OPN4: variants seen among roughly 807,000 people sequenced by gnomAD.
OPN4 encodes melanopsin.
OPN4 carries 43 observed loss-of-function variants against 49.5 expected under a neutral mutation model. The observed-to-expected ratio is 0.87, with a 90% CI of 0.68 to 1.12. OPN4 has a LOEUF of 1.12. Ranked by LOEUF, OPN4 falls within the 50% of genes most tolerant of loss-of-function variation. The probability of loss-of-function intolerance (pLI) is 0.00; values close to 1 mark genes in which losing one functional copy is unlikely to be tolerated. For missense variants in OPN4, 657 were observed against 643.9 expected, an observed-to-expected ratio of 1.02 and a Z score of -0.22; for synonymous variants, 263 against 258.0, an observed-to-expected ratio of 1.02 and a Z score of -0.19.
rs1365792041 is a variant in OPN4 at position 86,659,958 on chromosome 10, G to A, written c.864G>A (p.Leu288=). The A allele has an allele frequency of 1.2e-6, 2 of 1,614,204 alleles. No homozygotes were observed. The highest frequency in any genetic ancestry group is 1.7e-6 in the Non-Finnish European group (2 of 1,180,026). ...NGESLWQRQR[L]QSECKMAKIM... Reference sequence around the variant, plus strand: ...AGTCCCTGTGGCAGCGGCAGCGGCTGCAGAGCGAGTGCAAGATGGCCAAGA... The same window carrying A: ...AGTCCCTGTGGCAGCGGCAGCGGCTACAGAGCGAGTGCAAGATGGCCAAGA... Residue 288 remains leucine (L), a synonymous_variant, in exon 6 of 10, where the codon CTG becomes CTA. Coordinates refer to ENST00000241891, the MANE Select transcript of OPN4 (RefSeq NM_033282.4).
intron 5 of OPN4, 151 bp from the exon 6 acceptor site, chr10:86,659,744 T>C: frequency 1.2e-6 from 1 of 861,366 alleles, no homozygotes; most frequent in Non-Finnish European, 1.8e-6. Context: ...CAGAAAACTT[T>C]CTGGAAGTCA....
rs774680136 is a variant in OPN4, at chr10:86,659,932, G to T, written c.838G>T (p.Glu280Ter). The change falls in exon 6 of 10, where the codon GAG (glutamate) becomes TAG (stop). Residue 280 changes from glutamate (E) to a stop codon, truncating the protein, a stop_gained. Coordinates refer to ENST00000241891, the MANE Select transcript of OPN4 (RefSeq NM_033282.4). LOFTEE classifies it high-confidence loss of function. ...QTFGACKGNG[E>*]SLWQRQRLQS... ...CTTCGGGGCCTGCAAGGGCAATGGC[G>T]AGTCCCTGTGGCAGCGGCAGCGGCT... 1 of 1,614,190 alleles carries T rather than the reference G, an allele frequency of 6.2e-7. No homozygotes were observed. Among genetic ancestry groups the T allele is most frequent in the Admixed American group, 1.7e-5 (1 of 60,034 alleles).
chr10:86,656,691 T>C (rs1458893317), intron 2 of OPN4, among the ~76,000 whole-genome samples: 2 of 152,064 alleles, frequency 1.3e-5, no homozygotes, highest in Non-Finnish European at 2.9e-5. Context: ...CCGCCTGTAA[T>C]CCCAGCACTT....
In OPN4 at chr10:86,665,844, C is replaced by A. The variant is rs1589594691; in HGVS notation, c.*93C>A. The A allele has an allele frequency of 1.9e-6, 2 of 1,076,594 alleles. No individual in the cohort carries two copies. Among genetic ancestry groups the A allele is most frequent in the Non-Finnish European group, 1.4e-6 (1 of 714,670 alleles). The allele number at this position is 1,076,594 out of a possible 1,614,324, so 66.7% of individuals were successfully genotyped here. A position where few individuals can be genotyped will look rare whatever the true frequency, so the allele number is the denominator to read the frequency against. ...GACCCAGGATTATGCTGTGAGCCTG[C>A]AGGCTTTGGAAGTGGCCCTGTCACC... is the stretch of plus-strand genomic sequence containing the variant. On this transcript the variant is annotated 3_prime_UTR_variant, in exon 10 of 10. Coordinates refer to ENST00000241891, the MANE Select transcript of OPN4 (RefSeq NM_033282.4).
intron 2 of OPN4, 82 bp downstream of exon 2, chr10:86,656,382 G>C: frequency 6.7e-7 from 1 of 1,493,886 alleles, no homozygotes; most frequent in Non-Finnish European, 9.0e-7. Context: ...CAGGAATGTT[G>C]ACTCTAGCTC....
At chr10:86,663,232 C>T (rs773078809) in intron 8 of OPN4, among the ~76,000 whole-genome samples, 1 of 152,138 alleles carries the variant, frequency 6.6e-6, no homozygotes, top group Non-Finnish European at 1.5e-5. Context: ...GCCAACTGAC[C>T]GGCCAGCGAT....
intron 1 of OPN4, 78 bp downstream of exon 1, chr10:86,655,005 C>A: frequency 7.0e-7 from 1 of 1,436,894 alleles, no homozygotes; most frequent in Non-Finnish European, 9.5e-7. Context: ...CACACAGGGG[C>A]TTTGACAGGG....
chr10:86,663,945 C>A, intron 9 of OPN4, 143 bp downstream of exon 9: 1 of 1,013,022 alleles, frequency 9.9e-7, no homozygotes, highest in Non-Finnish European at 1.4e-6. Flanking sequence ...CACCTCCCAG[C>A]TTTTCCTTGT....
chr10:86,663,200 T>C (rs1844058023), intron 8 of OPN4, among the ~76,000 whole-genome samples: 1 of 152,152 alleles, frequency 6.6e-6, no homozygotes, highest in African/African-American at 2.4e-5. Context: ...CAGAGCCCTC[T>C]ATGGGCCTCA....
At chr10:86,655,743 G>A (rs1479933036) in intron 1 of OPN4, among the ~76,000 whole-genome samples, 5 of 152,312 alleles carry the variant, frequency 3.3e-5, no homozygotes, top group Admixed American at 6.5e-5. Flanking sequence ...CCACCCCAGC[G>A]TCTAGAGGCC....
chr10:86,657,633 G>A (rs1028326969), intron 2 of OPN4, among the ~76,000 whole-genome samples: 3 of 152,202 alleles, frequency 2.0e-5, no homozygotes, highest in Non-Finnish European at 4.4e-5. Context: ...GGCCTAGAGG[G>A]ACTCAAGGAA....
rs367915576 is a variant in OPN4, at chr10:86,660,090, G to A, written c.965+31G>A. 6 of 1,610,912 alleles carry A rather than the reference G, an allele frequency of 3.7e-6. No homozygotes were observed. The African/African-American group carries it at 6.7e-5, about 18-fold the overall frequency. ...CAGTGGCTAAAGGGTTGGGGAAGAG[G>A]CTGAAGGTGTGGGGGCAGGAGCAAG... On this transcript the variant is annotated intron_variant, in intron 6 of 9. Transcript: ENST00000241891.
chr10:86,659,852 G>A, intron 5 of OPN4, 43 bp from the exon 6 acceptor site: 1 of 1,603,638 alleles, frequency 6.2e-7, no homozygotes, highest in Non-Finnish European at 8.5e-7. Context: ...GGTGCTGACT[G>A]CCACCCGACT....
chr10:86,660,830 A>C (rs1564621346), intron 6 of OPN4, among the ~76,000 whole-genome samples: 1 of 152,226 alleles, frequency 6.6e-6, no homozygotes, highest in Non-Finnish European at 1.5e-5. Context: ...CTCAGATCAG[A>C]ATTCTCCTGG....
In OPN4 at chr10:86,656,239, A is replaced by T. The variant is rs775343759; in HGVS notation, c.229A>T (p.Ile77Phe). 4 of 1,613,890 alleles carry T rather than the reference A, an allele frequency of 2.5e-6. No individual in the cohort carries two copies. Among genetic ancestry groups the T allele is most frequent in the Admixed American group, 1.7e-5 (1 of 59,974 alleles). The change falls in exon 2 of 10, where the codon ATC becomes TTC. Residue 77 changes from isoleucine (I) to phenylalanine (F), a missense_variant. Ile to Phe is a conservative substitution (Grantham distance 21). Coordinates refer to ENST00000241891, the MANE Select transcript of OPN4 (RefSeq NM_033282.4). ...DHAHYTLGTV[I>F]LLVGLTGMLG... ...TGCCCACTATACCCTGGGCACAGTG[A>T]TCTTGCTGGTGGGACTCACGGGGAT...
At position 86,654,940 on chromosome 10, in the gene OPN4, G is replaced by A. The variant is rs574548424; in HGVS notation, c.144+13G>A. ...CATCAGTCCCACAGTAAGCCTGGGC[G>A]AGCATGTGCATGCACAGAGCCTTCC... On this transcript the variant is annotated intron_variant, in intron 1 of 9. Transcript: ENST00000241891. 27 of 1,612,852 alleles carry A rather than the reference G, an allele frequency of 1.7e-5. No homozygotes were observed. The highest frequency in any genetic ancestry group is 9.9e-5 in the South Asian group (9 of 91,000).
intron 3 of OPN4, 91 bp from the exon 4 acceptor site, chr10:86,658,393 C>T: frequency 7.0e-7 from 1 of 1,434,412 alleles, no homozygotes; most frequent in Non-Finnish European, 9.6e-7. Flanking sequence ...GCGCTCAGTC[C>T]TGCTCTTCCT....
At chr10:86,662,591 C>G (rs1844040555) in intron 8 of OPN4, among the ~76,000 whole-genome samples, 159 bp downstream of exon 8, 1 of 152,238 alleles carries the variant, frequency 6.6e-6, no homozygotes, top group South Asian at 2.1e-4. Flanking sequence ...CCCAACACCC[C>G]CATGAAGTTC....
intron 1 of OPN4, among the ~76,000 whole-genome samples, chr10:86,655,514 G>T (rs1843843026): frequency 6.6e-6 from 1 of 152,204 alleles, no homozygotes; most frequent in African/African-American, 2.4e-5. Context: ...AGGGGTTAGG[G>T]TGGGAGGAGT....
Sources: allele counts gnomAD v4.1 joint callset (sites outside exome capture counted in the v4.1 genomes callset), GRCh38; gene constraint gnomAD v4.1.1; transcripts MANE v1.5; gene names NCBI Gene and HGNC (gene_info 2026-07-23, HGNC 2026-07-21).